PHLPP2: variants seen among roughly 807,000 people sequenced by gnomAD.
PHLPP2 encodes PH domain leucine-rich repeat-containing protein phosphatase 2.
PHLPP2 carries 66 observed loss-of-function variants against 124.9 expected under a neutral mutation model. That is an observed-to-expected ratio of 0.53 (90% CI 0.43 to 0.65). The LOEUF (loss-of-function observed/expected upper bound fraction) is 0.65, where lower values mean the gene tolerates loss of function less well. Among genes scored for constraint, PHLPP2 ranks in the 30% least tolerant of loss-of-function variants. PHLPP2 has a pLI of 0.00. For synonymous variants in PHLPP2, 681 were observed against 624.7 expected (o/e 1.09, Z -1.34); for missense variants, 1,685 against 1,600.4 (o/e 1.05, Z -0.90).
chr16:71,710,381 TA>T (rs1301650573), intron 2 of PHLPP2, among the ~76,000 whole-genome samples: 1 of 151,970 alleles, frequency 6.6e-6, no homozygotes, highest in African/African-American at 2.4e-5. Flanking sequence ...AACTCATGGT[TA>T]AAAAAAACAT....
chr16:71,688,004 G>T (rs79465400), intron 4 of PHLPP2, among the ~76,000 whole-genome samples: 16,399 of 152,102 alleles, frequency 0.11, 1,323 homozygotes, highest in South Asian at 0.38. Flanking sequence ...CAGCTCCATA[G>T]GCCAGCAAGG....
At chr16:71,702,185 A>C (rs2045238775) in intron 3 of PHLPP2, among the ~76,000 whole-genome samples, 1 of 152,212 alleles carries the variant, frequency 6.6e-6, no homozygotes, top group South Asian at 2.1e-4. Context: ...AAATTCACCA[A>C]TATACAAATT....
At chr16:71,707,247 G>C (rs1263224634) in intron 2 of PHLPP2, among the ~76,000 whole-genome samples, 1 of 151,982 alleles carries the variant, frequency 6.6e-6, no homozygotes, top group Non-Finnish European at 1.5e-5. Flanking sequence ...GAGCCACCGC[G>C]CCCGGCCAAG....
intron 3 of PHLPP2, among the ~76,000 whole-genome samples, chr16:71,700,814 C>T (rs1449640544): frequency 6.6e-6 from 1 of 152,080 alleles, no homozygotes; most frequent in Non-Finnish European, 1.5e-5. Flanking sequence ...CGTGAGCCAC[C>T]GCACCTGGCC....
chr16:71,654,222 A>AAAAAAAAAAC (rs2044723362), intron 17 of PHLPP2, among the ~76,000 whole-genome samples: 1 of 149,914 alleles, frequency 6.7e-6, no homozygotes, highest in Non-Finnish European at 1.5e-5. Context: ...AAAAAAAAAA[A>AAAAAAAAAAC]AAAAAACTAG....
intron 12 of PHLPP2, chr16:71,664,360 C>CT (rs1190701810): frequency 1.9e-6 from 1 of 535,930 alleles, no homozygotes; most frequent in Non-Finnish European, 3.3e-6. Context: ...TGATTCTAAC[C>CT]TAACTTCATC....
chr16:71,666,395 C>G (rs2044840410), intron 12 of PHLPP2, among the ~76,000 whole-genome samples: 1 of 152,050 alleles, frequency 6.6e-6, no homozygotes, highest in South Asian at 2.1e-4. Context: ...TCCCTGTGGT[C>G]CCAACTACTT....
intron 1 of PHLPP2, 86 bp from the exon 2 acceptor site, chr16:71,714,887 T>G (rs1202226697): frequency 6.7e-7 from 1 of 1,484,912 alleles, no homozygotes; most frequent in Non-Finnish European, 9.0e-7. Context: ...TCTCTCTACT[T>G]TATATTCCCC....
intron 12 of PHLPP2, 114 bp from the exon 13 acceptor site, chr16:71,664,213 G>GA (rs539298017): frequency 0.018 from 10,022 of 572,674 alleles, 1 homozygote; most frequent in South Asian, 0.026. Flanking sequence ...TTCCAAATGG[G>GA]AAAAAAAAAA....
At chr16:71,661,996 G>C (rs1239520096) in intron 13 of PHLPP2, among the ~76,000 whole-genome samples, 1 of 151,884 alleles carries the variant, frequency 6.6e-6, no homozygotes, top group Non-Finnish European at 1.5e-5. Flanking sequence ...GCTAATTTTT[G>C]TATTTTTAGT....
At position 71,685,501 on chromosome 16, in the gene PHLPP2, C is replaced by T. The variant is rs572807490; in HGVS notation, c.610-900G>A. On this transcript the variant is annotated intron_variant, in intron 4 of 18. Coordinates refer to ENST00000568954, the MANE Select transcript of PHLPP2 (RefSeq NM_015020.3). ...AACTTACATTAGGTTTCTGTGCCAACTGAAGATTGAACCAAGCGGCAGAAA... is the reference window on the plus strand; with the variant it reads ...AACTTACATTAGGTTTCTGTGCCAATTGAAGATTGAACCAAGCGGCAGAAA... Among the ~76,000 whole-genome samples, 6 of 152,248 alleles carry T rather than the reference C, an allele frequency of 3.9e-5. No individual in the cohort carries two copies. In the South Asian group the frequency reaches 8.3e-4, roughly 21 times the overall value.
rs2045417363 is a variant in PHLPP2, at chr16:71,723,992, C to CCAGCTCCGCCCCTCCCG, written c.-7+320_-7+336dup. The CCAGCTCCGCCCCTCCCG allele has an allele frequency of 1.8e-5, 4 of 221,550 alleles. No homozygotes were observed. The Admixed American group carries it at 1.9e-4, about 11-fold the overall frequency. 13.7% of individuals were successfully genotyped at this position (221,550 alleles called of 1,614,324 possible). ...CCGGCTCCGCCCCTCCGGCGGCTCG[C>CCAGCTCCGCCCCTCCCG]CAGCTCCGCCCCTCCCGCAGCCCCG... On this transcript the variant is annotated intron_variant, in intron 1 of 18. Coordinates refer to ENST00000568954, the MANE Select transcript of PHLPP2 (RefSeq NM_015020.3).
chr16:71,716,487 TATAAC>T (rs2045363851), intron 1 of PHLPP2, among the ~76,000 whole-genome samples: 1 of 152,230 alleles, frequency 6.6e-6, no homozygotes, highest in Non-Finnish European at 1.5e-5. Flanking sequence ...CTACAGGTAA[TATAAC>T]AAGTTTCTAA....
intron 3 of PHLPP2, 109 bp from the exon 4 acceptor site, chr16:71,690,818 T>C (rs2045104636): frequency 5.6e-6 from 4 of 715,226 alleles, no homozygotes; most frequent in East Asian, 2.7e-5. Flanking sequence ...TTTATAGATA[T>C]AAGTAACCAA....
chr16:71,700,463 A>C (rs2045220025), intron 3 of PHLPP2, among the ~76,000 whole-genome samples: 1 of 151,470 alleles, frequency 6.6e-6, no homozygotes, highest in East Asian at 1.9e-4. Context: ...CACTCCTTTC[A>C]AAAACTGGAG....
intron 1 of PHLPP2, among the ~76,000 whole-genome samples, chr16:71,720,388 G>A (rs2045391279): frequency 6.6e-6 from 1 of 152,154 alleles, no homozygotes; most frequent in Admixed American, 6.5e-5. Flanking sequence ...AAAGTGTTGG[G>A]ATTATAGTAG....
At chr16:71,684,742 C>T (rs1597003996) in intron 4 of PHLPP2, 141 bp from the exon 5 acceptor site, 1 of 717,474 alleles carries the variant, frequency 1.4e-6, no homozygotes. Context: ...TTGTCCCCCT[C>T]CATCTGCCAA....
At position 71,663,817 on chromosome 16, in the gene PHLPP2, T is replaced by C. The variant is rs576471482; in HGVS notation, c.1985+82A>G. On this transcript the variant is annotated intron_variant, in intron 13 of 18. Coordinates refer to ENST00000568954, the MANE Select transcript of PHLPP2 (RefSeq NM_015020.3). ...GTCAGTGAACGTAAACAAAGAGTCA[T>C]AGTCAGATGGCTATATTTTTTCTGA... 6.8e-5 allele frequency: 72 copies of C among 1,053,612 alleles called. No homozygotes were observed. The East Asian group carries it at 1.6e-3, about 23-fold the overall frequency. 65.3% of individuals were successfully genotyped at this position (1,053,612 alleles called of 1,614,324 possible). A position where few individuals can be genotyped will look rare whatever the true frequency, so the allele number is the denominator to read the frequency against.
At chr16:71,702,840 C>A in intron 2 of PHLPP2, 109 bp from the exon 3 acceptor site, 2 of 660,364 alleles carry the variant, frequency 3.0e-6, no homozygotes, top group Non-Finnish European at 4.9e-6. Context: ...AAGTGCTATT[C>A]TGTCACATGA....
Sources: gnomAD v4.1 joint callset for allele counts (sites outside exome capture counted in the v4.1 genomes callset) on GRCh38, gnomAD v4.1.1 for gene constraint, MANE v1.5 for transcripts, NCBI Gene and HGNC (gene_info 2026-07-23, HGNC 2026-07-21) for gene names.